Variants in B3GALNT2 observed in about 807,000 individuals in gnomAD.
B3GALNT2 encodes the protein UDP-GalNAc:beta-1,3-N-acetylgalactosaminyltransferase 2.
A neutral mutation model predicts 61.1 loss-of-function variants in B3GALNT2; 53 were observed. That is an observed-to-expected ratio of 0.87 (90% CI 0.70 to 1.09). The LOEUF (loss-of-function observed/expected upper bound fraction) is 1.09. Among genes scored for constraint, B3GALNT2 ranks in the 50% least tolerant of loss-of-function variants. B3GALNT2 has a pLI of 0.00. For synonymous variants in B3GALNT2, 223 were observed against 237.4 expected, an observed-to-expected ratio of 0.94 and a Z score of 0.56; for missense variants, 544 against 623.0, an observed-to-expected ratio of 0.87 and a Z score of 1.35.
intron 8 of B3GALNT2, among the ~76,000 whole-genome samples, chr1:235,457,341 AT>A (rs1410680515): frequency 2.0e-5 from 3 of 152,136 alleles, no homozygotes; most frequent in African/African-American, 7.2e-5. Context: ...AGTGAAAAAA[AT>A]AAAAAGTGAA....
rs1232947389 is a variant in B3GALNT2 at position 235,450,313 on chromosome 1, A to G, written c.1396T>C (p.Cys466Arg). ...QDSLWLCEKT[C>R]ETGMLSSPQY... ...GGAGAAGACAGCATTCCTGTCTCACAGGTCTTCTCACACAGCCACAGACTG... is the reference window on the plus strand; with the variant it reads ...GGAGAAGACAGCATTCCTGTCTCACGGGTCTTCTCACACAGCCACAGACTG... The change falls in exon 12 of 12, where the codon TGT becomes CGT. Residue 466 changes from cysteine to arginine, a missense_variant. Transcript: ENST00000366600. The G allele has an allele frequency of 1.9e-6, 3 of 1,613,838 alleles. No homozygotes were observed. Among genetic ancestry groups the G allele is most frequent in the Non-Finnish European group, 8.5e-7 (1 of 1,179,808 alleles).
intron 8 of B3GALNT2, 119 bp from the exon 9 acceptor site, chr1:235,455,803 T>A (rs1683143097): frequency 7.9e-7 from 1 of 1,259,264 alleles, no homozygotes; most frequent in Non-Finnish European, 1.1e-6. Context: ...TTCTTATTCC[T>A]CAAATGTTGA....
At chr1:235,441,562 G>A in the B3GALNT2 span, 1 of 523,228 alleles carries the variant, frequency 1.9e-6, no homozygotes, top group East Asian at 3.3e-5. Context: ...CTTTTGTTGA[G>A]TTTCACTGGT....
At chr1:235,467,074 C>T (rs932544318) in intron 6 of B3GALNT2, among the ~76,000 whole-genome samples, 16 of 152,078 alleles carry the variant, frequency 1.1e-4, no homozygotes, top group Non-Finnish European at 1.9e-4. Flanking sequence ...GTAGGCCAGG[C>T]GCAGTGGCTC....
In B3GALNT2 at chr1:235,448,318, G is replaced by T; in HGVS notation, c.*1888C>A. On this transcript the variant is annotated 3_prime_UTR_variant, in exon 12 of 12. Coordinates refer to ENST00000366600, the MANE Select transcript of B3GALNT2 (RefSeq NM_152490.5). The stretch of plus-strand genomic sequence containing the variant: ...TTTTACAGGTAACTGTCATTTGAGA[G>T]AACGAATGGACTTTTCTTGTCTTTT... 6.3e-7 allele frequency: 1 copy of T among 1,595,240 alleles called. No homozygotes were observed. The highest frequency in any genetic ancestry group is 1.1e-5 in the South Asian group (1 of 90,566).
At chr1:235,489,029 G>A (rs905599835) in intron 3 of B3GALNT2, 139 bp downstream of exon 3, 11 of 1,177,232 alleles carry the variant, frequency 9.3e-6, no homozygotes, top group South Asian at 4.7e-5. Context: ...CAGCCTAGGC[G>A]ACAGAGCAAG....
intron 9 of B3GALNT2, 32 bp from the exon 10 acceptor site, chr1:235,454,347 T>C: frequency 6.4e-7 from 1 of 1,567,548 alleles, no homozygotes; most frequent in Non-Finnish European, 8.7e-7. Flanking sequence ...CCTCTTGTGT[T>C]AGTCTGACAC....
chr1:235,474,971 ATATATATATATATATATTTTTTTTTTT>A (rs1442754369), intron 5 of B3GALNT2, among the ~76,000 whole-genome samples: 7 of 30,120 alleles, frequency 2.3e-4, no homozygotes, highest in African/African-American at 1.4e-3. Context: ...ATATATATAT[ATATATATATATATATATTTTTTTTTTT>A]TTTTTTTTTT....
chr1:235,502,784 T>A (rs922052705), intron 1 of B3GALNT2, among the ~76,000 whole-genome samples: 1 of 152,208 alleles, frequency 6.6e-6, no homozygotes, highest in East Asian at 1.9e-4. Context: ...TACAAGGAGA[T>A]TCCAGCAGGG....
At chr1:235,442,831 TTTTC>T (rs1681986818), downstream of B3GALNT2, 1 of 1,612,488 alleles carries the variant, frequency 6.2e-7, no homozygotes, top group Non-Finnish European at 8.5e-7. Context: ...CAATTAGTCT[TTTTC>T]TTTGTTTCTC....
the B3GALNT2 span, chr1:235,441,768 T>C: frequency 1.9e-6 from 3 of 1,549,462 alleles, no homozygotes; most frequent in Middle Eastern, 1.7e-4. Flanking sequence ...TTTTTACTTA[T>C]AGTGGCCTTT....
intron 4 of B3GALNT2, among the ~76,000 whole-genome samples, chr1:235,482,407 AG>A (rs1684602932): frequency 6.6e-6 from 1 of 152,124 alleles, no homozygotes; most frequent in Non-Finnish European, 1.5e-5. Flanking sequence ...CAGAAAGGAA[AG>A]GATCACAGAG....
intron 7 of B3GALNT2, among the ~76,000 whole-genome samples, chr1:235,460,193 A>C (rs1025441320): frequency 1.3e-5 from 2 of 151,998 alleles, no homozygotes; most frequent in African/African-American, 4.8e-5. Flanking sequence ...AGCTCACTGT[A>C]ATCTCCACCT....
chr1:235,503,835 G>C (rs1225162569), intron 1 of B3GALNT2, among the ~76,000 whole-genome samples: 2 of 152,212 alleles, frequency 1.3e-5, no homozygotes, highest in Non-Finnish European at 2.9e-5. Flanking sequence ...CGGGCGAACG[G>C]GCGGCGTCGG....
intron 8 of B3GALNT2, among the ~76,000 whole-genome samples, chr1:235,458,387 T>A (rs1440672702): frequency 6.6e-6 from 1 of 151,988 alleles, no homozygotes; most frequent in African/African-American, 2.4e-5. Context: ...ATAAATTGTC[T>A]CGATAGCAAA....
chr1:235,500,826 C>T (rs1315264540), intron 1 of B3GALNT2, among the ~76,000 whole-genome samples: 1 of 152,136 alleles, frequency 6.6e-6, no homozygotes, highest in Non-Finnish European at 1.5e-5. Flanking sequence ...CACAATAAGT[C>T]TATGAGATCA....
rs770068840 is a variant in B3GALNT2 at position 235,458,740 on chromosome 1, A to G, written c.888T>C (p.Leu296=). The part of the protein sequence containing the change: ...LHNLHSRPQR[L]IDHIRNLHEE... Reference sequence around the variant, plus strand: ...CATGGAGATTCCTTATATGATCAATAAGTCTTTGAGGGCGAGAATGAAGGT... The same window carrying G: ...CATGGAGATTCCTTATATGATCAATGAGTCTTTGAGGGCGAGAATGAAGGT... Residue 296 remains leucine (L), a synonymous_variant, in exon 8 of 12, where the codon CTT becomes CTC. Transcript: ENST00000366600. 2 of 1,610,608 alleles carry G rather than the reference A, an allele frequency of 1.2e-6. No individual in the cohort carries two copies. The highest frequency in any genetic ancestry group is 2.2e-5 in the East Asian group (1 of 44,824).
At chr1:235,455,039 G>A (rs765632063) in intron 9 of B3GALNT2, among the ~76,000 whole-genome samples, 1 of 152,182 alleles carries the variant, frequency 6.6e-6, no homozygotes, top group African/African-American at 2.4e-5. Context: ...AAGAATAAAA[G>A]CCATATTGTT....
rs184242262 is a variant in B3GALNT2 at position 235,481,450 on chromosome 1, C to T, written c.556-1301G>A. On this transcript the variant is annotated intron_variant, in intron 4 of 11. Transcript: ENST00000366600. ...CCTCGACCTCCTGGGCTCAAGTGAT[C>T]CTCCCACCTCAACCTACCAAGTAGC... 3.9e-5 allele frequency among the ~76,000 whole-genome samples: 6 copies of T among 152,168 alleles called. No homozygotes were observed. The East Asian group carries it at 1.2e-3, about 29-fold the overall frequency.
Sources: allele counts gnomAD v4.1 joint callset (sites outside exome capture counted in the v4.1 genomes callset), GRCh38; gene constraint gnomAD v4.1.1; transcripts MANE v1.5; gene names NCBI Gene and HGNC (gene_info 2026-07-23, HGNC 2026-07-21).